Variants in RANBP2 observed in about 807,000 individuals in gnomAD.
RANBP2 encodes RAN binding protein 2.
RANBP2 carries 57 observed loss-of-function variants against 303.6 expected under a neutral mutation model. That is an observed-to-expected ratio of 0.19 (90% CI 0.15 to 0.23). RANBP2 has a LOEUF of 0.23. RANBP2 is among the 10% of genes least tolerant of loss of function. The pLI, the probability that RANBP2 is intolerant of heterozygous loss-of-function variation, is 1.00. For synonymous variants in RANBP2, 1,167 were observed against 1,301.5 expected (o/e 0.90, Z 2.23); for missense variants, 3,138 against 3,780.8 (o/e 0.83, Z 4.46).
chr2:108,843,358 A>G, the RANBP2 span, among the ~76,000 whole-genome samples: 1 of 152,008 alleles, frequency 6.6e-6, no homozygotes, highest in Non-Finnish European at 1.5e-5. Flanking sequence ...GGGTTTCGCC[A>G]TGTTGGCCAG....
the RANBP2 span, chr2:108,894,608 A>G: frequency 6.6e-6 from 1 of 152,496 alleles, no homozygotes; most frequent in Non-Finnish European, 1.5e-5. Flanking sequence ...TAAATGTTTT[A>G]AAGTATTGCA....
At chr2:109,336,466 A>G in the RANBP2 span, among the ~76,000 whole-genome samples, 1 of 152,220 alleles carries the variant, frequency 6.6e-6, no homozygotes, top group Non-Finnish European at 1.5e-5. Context: ...GTACAAAGAA[A>G]TGTCCTGGTG....
At chr2:109,106,272 C>T in the RANBP2 span, among the ~76,000 whole-genome samples, 4 of 152,282 alleles carry the variant, frequency 2.6e-5, no homozygotes, top group South Asian at 8.3e-4. Context: ...AGGCAAGAAT[C>T]GAGTTGCTGC....
At chr2:109,577,391 C>T in the RANBP2 span, among the ~76,000 whole-genome samples, 1 of 151,530 alleles carries the variant, frequency 6.6e-6, no homozygotes, top group Non-Finnish European at 1.5e-5. Flanking sequence ...GTCAGGAGTT[C>T]GAGACCAGCC....
Position 108,765,828 on chromosome 2 carries a change from C to G in RANBP2, c.5289C>G (p.Ala1763=). Residue 1763 remains alanine, a synonymous_variant, in exon 20 of 29, where the codon GCC becomes GCG. Coordinates refer to ENST00000283195, the MANE Select transcript of RANBP2 (RefSeq NM_006267.5). The part of the protein sequence containing the change: ...QNQTTAISTP[A]SSEISKAPKS... ...AAACAACTGCAATTTCAACACCTGC[C>G]TCTTCGGAGATAAGCAAGGCTCCAA... 1 of 1,614,092 alleles carries G rather than the reference C, an allele frequency of 6.2e-7. No individual in the cohort carries two copies. Among genetic ancestry groups the G allele is most frequent in the East Asian group, 2.2e-5 (1 of 44,860 alleles).
the RANBP2 span, among the ~76,000 whole-genome samples, chr2:109,633,187 G>A: frequency 3.3e-5 from 5 of 152,194 alleles, no homozygotes; most frequent in African/African-American, 1.2e-4. Flanking sequence ...GAGGTCAGGA[G>A]TTCAAGACCA....
chr2:108,860,047 T>TTG, the RANBP2 span, among the ~76,000 whole-genome samples: 3 of 152,114 alleles, frequency 2.0e-5, no homozygotes, highest in South Asian at 6.2e-4. Context: ...CCTAAGTATC[T>TTG]TGTGTGTGTG....
the RANBP2 span, among the ~76,000 whole-genome samples, chr2:109,021,167 C>T: frequency 6.6e-6 from 1 of 152,206 alleles, no homozygotes; most frequent in African/African-American, 2.4e-5. Context: ...TGGGCTGTGG[C>T]ACATTGGTTA....
the RANBP2 span, among the ~76,000 whole-genome samples, chr2:109,578,821 T>C: frequency 1.3e-5 from 2 of 151,960 alleles, no homozygotes; most frequent in Non-Finnish European, 2.9e-5. Flanking sequence ...TGTATCAAAC[T>C]TGTGGAATGT....
At chr2:108,781,209 G>A in intron 25 of RANBP2, 60 bp from the exon 26 acceptor site, 1 of 1,519,166 alleles carries the variant, frequency 6.6e-7, no homozygotes, top group South Asian at 1.1e-5. Context: ...TAAAATAAGA[G>A]GGGGATGAAA....
the RANBP2 span, among the ~76,000 whole-genome samples, chr2:108,868,403 G>A: frequency 1.3e-5 from 2 of 152,124 alleles, no homozygotes; most frequent in Admixed American, 1.3e-4. Flanking sequence ...ATAAATTTAT[G>A]TAAAATATTG....
the RANBP2 span, chr2:108,931,145 A>T: frequency 1.2e-6 from 1 of 831,892 alleles, no homozygotes; most frequent in South Asian, 1.4e-5. Flanking sequence ...ACAGAGGGGA[A>T]ACTATACATC....
chr2:109,221,926 G>A, the RANBP2 span, among the ~76,000 whole-genome samples: 1 of 151,724 alleles, frequency 6.6e-6, no homozygotes, highest in East Asian at 1.9e-4. Flanking sequence ...TGCAGCACTA[G>A]TCACAATAGC....
chr2:109,705,422 A>C, the RANBP2 span, among the ~76,000 whole-genome samples: 1 of 152,174 alleles, frequency 6.6e-6, no homozygotes, highest in African/African-American at 2.4e-5. Flanking sequence ...CACAAAAAAC[A>C]AAAAAACCAA....
the RANBP2 span, among the ~76,000 whole-genome samples, chr2:109,434,257 C>T: frequency 1.3e-5 from 2 of 152,202 alleles, no homozygotes; most frequent in Non-Finnish European, 2.9e-5. Flanking sequence ...GGGGACATCA[C>T]TCTGTCACAC....
chr2:108,756,693 A>G (rs1293584843), intron 17 of RANBP2, among the ~76,000 whole-genome samples: 1 of 152,254 alleles, frequency 6.6e-6, no homozygotes, highest in East Asian at 1.9e-4. Flanking sequence ...CATGAGCTTG[A>G]AAAGCTTGGT....
At chr2:109,378,050 G>A in the RANBP2 span, among the ~76,000 whole-genome samples, 4,915 of 152,302 alleles carry the variant, frequency 0.032, 188 homozygotes, top group African/African-American at 0.086. Context: ...GTGGGTTTTC[G>A]GCCCTTGCCT....
the RANBP2 span, chr2:109,545,200 TC>T: frequency 2.0e-6 from 2 of 984,996 alleles, no homozygotes; most frequent in Non-Finnish European, 2.4e-6. Flanking sequence ...TGAGGCAGAG[TC>T]CCCCAAATGA....
At chr2:109,184,630 A>G in the RANBP2 span, among the ~76,000 whole-genome samples, 124,323 of 152,136 alleles carry the variant, frequency 0.82, 50,929 homozygotes, top group East Asian at 0.89. Context: ...TGGGCTTCCC[A>G]GAGAGTGAGC....
Sources: gnomAD v4.1 joint callset for allele counts (sites outside exome capture counted in the v4.1 genomes callset) on GRCh38, gnomAD v4.1.1 for gene constraint, MANE v1.5 for transcripts, NCBI Gene and HGNC (gene_info 2026-07-23, HGNC 2026-07-21) for gene names.